SYNJ2: variants seen among roughly 807,000 people sequenced by gnomAD.
SYNJ2 encodes the protein synaptojanin 2, also known as polyphosphatidylinositol phosphatase SYNJ2.
Under a neutral mutation model 141.3 loss-of-function variants are expected in SYNJ2, and 116 were observed. That is an observed-to-expected ratio of 0.82 (90% CI 0.71 to 0.96). The LOEUF (loss-of-function observed/expected upper bound fraction) is 0.96. Ranked by LOEUF, SYNJ2 falls within the 40% of genes least tolerant of loss-of-function variation. SYNJ2 has a pLI of 0.00. For synonymous variants in SYNJ2, 745 were observed against 777.7 expected (o/e 0.96, Z 0.70); for missense variants, 1,873 against 1,934.8 (o/e 0.97, Z 0.60).
At chr6:157,985,703 A>C (rs532756098) in intron 1 of SYNJ2, among the ~76,000 whole-genome samples, 1 of 152,336 alleles carries the variant, frequency 6.6e-6, no homozygotes, top group South Asian at 2.1e-4. Context: ...AAGGTTCTCC[A>C]ACAGCCCCCA....
At position 158,055,503 on chromosome 6, in the gene SYNJ2, A is replaced by ATGTGTGTGTG. The variant is rs61172281; in HGVS notation, c.857+499_857+508dup. On this transcript the variant is annotated intron_variant, in intron 6 of 26. Transcript: ENST00000355585. ...TTCTAGAAAACAATTTTGGCATTTT[A>ATGTGTGTGTG]TGTGTGTGTGTGTGTGTGTGTGTGT... 2.7e-3 allele frequency among the ~76,000 whole-genome samples: 403 copies of ATGTGTGTGTG among 147,858 alleles called. 1 individual carries two copies. The highest frequency in any genetic ancestry group is 8.3e-3 in the African/African-American group (332 of 40,178).
At chr6:158,051,411 C>T (rs560454452) in intron 5 of SYNJ2, among the ~76,000 whole-genome samples, 5 of 151,984 alleles carry the variant, frequency 3.3e-5, no homozygotes, top group Admixed American at 2.6e-4. Context: ...CTCGGTAGTG[C>T]GACCATGAAA....
chr6:157,995,063 T>C (rs1221365768), intron 1 of SYNJ2, among the ~76,000 whole-genome samples: 1 of 152,242 alleles, frequency 6.6e-6, no homozygotes, highest in East Asian at 1.9e-4. Context: ...TTTCCCAGCC[T>C]GAGCAGTAGT....
In SYNJ2 at chr6:158,083,513, A is replaced by C. The variant is rs78746658; in HGVS notation, c.2950A>C (p.Ser984Arg). The change falls in exon 21 of 27, where the codon AGC becomes CGC. Residue 984 changes from serine to arginine, a missense_variant. Physicochemically the swap from Ser to Arg is moderately radical, Grantham distance 110. Coordinates refer to ENST00000355585, the MANE Select transcript of SYNJ2 (RefSeq NM_003898.4). ...AGAGGAGATCATTCGGAAACGAGAC[A>C]GCATGGCCCCCGTGTCTCCCACTGC... Reference protein sequence around the residue: ...LREEIIRKRDSMAPVSPTANS... With the variant: ...LREEIIRKRDRMAPVSPTANS... 84 of 1,614,214 alleles carry C rather than the reference A, an allele frequency of 5.2e-5. No homozygotes were observed. In the East Asian group the frequency reaches 1.8e-3, roughly 35 times the overall value.
Position 158,074,601 on chromosome 6 carries a change from G to T in SYNJ2, c.2155G>T (p.Asp719Tyr). Residue 719 changes from aspartate (D) to tyrosine (Y), a missense_variant, in exon 16 of 27, where the codon GAT becomes TAT. Transcript: ENST00000355585. ...FPMGRNVFSH[D>Y]YVFWCGDFNY... ...TTAGGGGAGAAATGTTTTTTCTCAT[G>T]ATTATGTATTTTGGTGTGGCGATTT... The T allele has an allele frequency of 1.2e-6, 2 of 1,611,336 alleles. No homozygotes were observed. Among genetic ancestry groups the T allele is most frequent in the South Asian group, 2.2e-5 (2 of 90,018 alleles).
At chr6:157,988,447 G>A (rs1275778309) in intron 1 of SYNJ2, among the ~76,000 whole-genome samples, 1 of 152,168 alleles carries the variant, frequency 6.6e-6, no homozygotes, top group Non-Finnish European at 1.5e-5. Context: ...CTGAACAGCT[G>A]GGCATACAGG....
chr6:158,029,053 G>GTGGGCCCTGGGTCTCCTGCAGAGGA (rs1272802140), intron 3 of SYNJ2, 27 bp downstream of exon 3: 1 of 1,610,186 alleles, frequency 6.2e-7, no homozygotes, highest in East Asian at 2.2e-5. Flanking sequence ...CCTGCAGAGG[G>GTGGGCCCTGGGTCTCCTGCAGAGGA]TGGGCCCTGG....
Position 158,081,617 on chromosome 6 carries a change from TTTTTTTTTTTTTTTTTTTC to T in SYNJ2, c.2865+109_2865+127del, listed in dbSNP as rs939931281. ...CCCTGACCTGTGCCTTTTTTTTTTTTTTTTTTTTTTTTTTTTTTCTCTGAGACAAAGTCTTGCTCTGTCA... is the reference window on the plus strand; with the variant it reads ...CCCTGACCTGTGCCTTTTTTTTTTTTTCTGAGACAAAGTCTTGCTCTGTCA... On this transcript the variant is annotated intron_variant, in intron 20 of 26. Transcript: ENST00000355585. The T allele has an allele frequency of 1.5e-4, 66 of 439,360 alleles. 2 individuals are homozygous for T. The African/African-American group carries it at 2.0e-3, about 13-fold the overall frequency. The allele number at this position is 439,360 out of a possible 1,614,324, so 27.2% of individuals were successfully genotyped here.
Position 158,033,440 on chromosome 6 carries a change from G to GA in SYNJ2, c.486-14dup, listed in dbSNP as rs746408275. On this transcript the variant is annotated splice_polypyrimidine_tract_variant and intron_variant, in intron 3 of 26. Transcript: ENST00000355585. The stretch of plus-strand genomic sequence containing the variant: ...TGTCAAGTGACTGGAATTGGTGTGG[G>GA]ACTGTGTTTTGCAGGAACCAGCTGT... The GA allele has an allele frequency of 3.1e-6, 5 of 1,612,510 alleles. No individual in the cohort carries two copies. Among genetic ancestry groups the GA allele is most frequent in the Non-Finnish European group, 4.2e-6 (5 of 1,178,934 alleles).
chr6:158,067,332 T>G, intron 12 of SYNJ2: 25 of 732,224 alleles, frequency 3.4e-5, no homozygotes, highest in East Asian at 1.3e-4. Flanking sequence ...CCTTCAGTGT[T>G]GATATTGACC....
intron 1 of SYNJ2, among the ~76,000 whole-genome samples, chr6:158,013,664 C>T (rs1469453078): frequency 6.6e-6 from 1 of 152,202 alleles, no homozygotes; most frequent in Non-Finnish European, 1.5e-5. Context: ...AAGATCAGAA[C>T]TCATAGACAC....
intron 26 of SYNJ2, chr6:158,093,911 A>G (rs1234528749): frequency 1.3e-6 from 1 of 765,020 alleles, no homozygotes. Context: ...CTCGCTCTCA[A>G]GCTTCTCAGC....
intron 2 of SYNJ2, chr6:158,026,934 G>C (rs926461232): frequency 1.0e-6 from 1 of 985,388 alleles, no homozygotes. Context: ...TCTGACCCCT[G>C]TCCCTGTCCC....
chr6:158,084,116 G>A lies in SYNJ2; in HGVS notation c.3150G>A (p.Leu1050=). ...CTGATGTCCCCGGCCCCACAGCACT[G>A]GCTCCTCCCAGCAAGTCACCTGCTC... is the stretch of plus-strand genomic sequence containing the variant. The part of the protein sequence containing the change: ...DLSDVPGPTA[L]APPSKSPALT... Residue 1050 remains leucine (L), a synonymous_variant, in exon 22 of 27, where the codon CTG becomes CTA. Coordinates refer to ENST00000355585, the MANE Select transcript of SYNJ2 (RefSeq NM_003898.4). The surrounding 1 kb of genome is among the most constrained non-coding windows in gnomAD (Gnocchi z 5.0). 6.2e-7 allele frequency: 1 copy of A among 1,614,106 alleles called. No homozygotes were observed. The highest frequency in any genetic ancestry group is 8.5e-7 in the Non-Finnish European group (1 of 1,179,986).
chr6:158,026,667 C>T (rs894158194), intron 2 of SYNJ2, among the ~76,000 whole-genome samples: 20 of 152,322 alleles, frequency 1.3e-4, no homozygotes, highest in African/African-American at 4.8e-4. Context: ...TCAGGCCCCC[C>T]ACACGGAGGC....
In SYNJ2 at chr6:158,086,862, G is replaced by A. The variant is rs145731054; in HGVS notation, c.3216G>A (p.Ala1072=). The change falls in exon 23 of 27, where the codon GCG becomes GCA. Residue 1072 remains alanine, a synonymous_variant. Transcript: ENST00000355585. ...CCCCGCCATGTCCTCCAGATGACGCGGACCTGGTGGAGCTCAAGCGGGAGC... is the reference window on the plus strand; with the variant it reads ...CCCCGCCATGTCCTCCAGATGACGCAGACCTGGTGGAGCTCAAGCGGGAGC... The part of the protein sequence containing the change: ...KKQHPTYKDD[A]DLVELKRELE... 94 of 1,611,486 alleles carry A rather than the reference G, an allele frequency of 5.8e-5. No individual in the cohort carries two copies. The highest frequency in any genetic ancestry group is 1.3e-4 in the Admixed American group (8 of 60,004).
At chr6:157,997,507 A>C (rs989980921) in intron 1 of SYNJ2, among the ~76,000 whole-genome samples, 2 of 152,142 alleles carry the variant, frequency 1.3e-5, no homozygotes, top group Non-Finnish European at 2.9e-5. Flanking sequence ...CAAGACAAGG[A>C]ATGCCTGGGC....
In SYNJ2 at chr6:157,982,012, G is replaced by A. The variant is rs1777030145; in HGVS notation, c.51G>A (p.Gly17=). 1.5e-6 allele frequency: 2 copies of A among 1,321,596 alleles called. No homozygotes were observed. The highest frequency in any genetic ancestry group is 3.8e-5 in the Admixed American group (1 of 26,144). 81.9% of individuals were successfully genotyped at this position (1,321,596 alleles called of 1,614,324 possible). ...LRLLGRLGAE[G]DCSVLLEARG... is the part of the protein sequence containing the mutation. ...TGCTGGGGCGCCTGGGGGCCGAGGG[G>A]GACTGTAGCGTGCTGCTGGAGGCGC... is the stretch of plus-strand genomic sequence containing the variant. Residue 17 remains glycine (G), a synonymous_variant, in exon 1 of 27, where the codon GGG becomes GGA. Transcript: ENST00000355585. The surrounding 1 kb of genome is among the most constrained non-coding windows in gnomAD (Gnocchi z 4.0).
intron 2 of SYNJ2, among the ~76,000 whole-genome samples, chr6:158,021,952 C>A (rs185560300): frequency 6.6e-6 from 1 of 152,136 alleles, no homozygotes; most frequent in Non-Finnish European, 1.5e-5. Flanking sequence ...AGGTTCCCAG[C>A]GTGGAGCTGA....
Sources: gnomAD v4.1 joint callset for allele counts (sites outside exome capture counted in the v4.1 genomes callset) on GRCh38, gnomAD v4.1.1 for gene constraint, Gnocchi (gnomAD v3.1) non-coding constraint, MANE v1.5 for transcripts, NCBI Gene and HGNC (gene_info 2026-07-23, HGNC 2026-07-21) for gene names.